The following CDCA4 variants were observed in gnomAD, a reference collection of about 807,000 sequenced individuals.
CDCA4 encodes the protein cell division cycle associated 4.
For synonymous variants in CDCA4, 130 were observed against 137.0 expected (o/e 0.95, Z 0.36); for missense variants, 294 against 322.1 (o/e 0.91, Z 0.67).
At chr14:105,019,906 G>GTTTTGTAT (rs1342126842) in intron 1 of CDCA4, among the ~76,000 whole-genome samples, 1 of 152,144 alleles carries the variant, frequency 6.6e-6, no homozygotes. Context: ...TACAGACGGG[G>GTTTTGTAT]TTTCACCACG....
At chr14:105,020,646 G>A (rs528443380) in intron 1 of CDCA4, among the ~76,000 whole-genome samples, 460 of 152,326 alleles carry the variant, frequency 3.0e-3, no homozygotes, top group Non-Finnish European at 5.2e-3. Context: ...CCGAGGTACG[G>A]GAAACGCCGC....
At position 105,017,598 on chromosome 14, in the gene CDCA4, G is replaced by A. The variant is rs1392028718; in HGVS notation, c.-7+3401C>T. The stretch of plus-strand genomic sequence containing the variant: ...TGTAATCCCAGCACTTTGGGAGGCT[G>A]AGGCAGGCGGATCACCAGGTCAGGA... On this transcript the variant is annotated intron_variant, in intron 1 of 1. Coordinates refer to ENST00000336219, the MANE Select transcript of CDCA4 (RefSeq NM_017955.4). Among the ~76,000 whole-genome samples, 3 of 152,090 alleles carry A rather than the reference G, an allele frequency of 2.0e-5. No individual in the cohort carries two copies. In the East Asian group the frequency reaches 5.9e-4, roughly 30 times the overall value.
intron 1 of CDCA4, among the ~76,000 whole-genome samples, chr14:105,014,879 T>A (rs1900602161): frequency 6.6e-6 from 1 of 152,098 alleles, no homozygotes. Flanking sequence ...CCAAACCAAA[T>A]CCTCTTGAAC....
At chr14:105,018,871 G>A (rs1448911267) in intron 1 of CDCA4, among the ~76,000 whole-genome samples, 3 of 152,028 alleles carry the variant, frequency 2.0e-5, no homozygotes, top group Non-Finnish European at 4.4e-5. Context: ...CGAGTAGCTA[G>A]GACTACAGGC....
chr14:105,014,984 C>A (rs991125547), intron 1 of CDCA4, among the ~76,000 whole-genome samples: 1 of 152,202 alleles, frequency 6.6e-6, no homozygotes, highest in African/African-American at 2.4e-5. Context: ...AATGTGGGGC[C>A]TACAGGAGGT....
intron 1 of CDCA4, among the ~76,000 whole-genome samples, chr14:105,017,093 A>G (rs1900669897): frequency 6.6e-6 from 1 of 152,354 alleles, no homozygotes; most frequent in Middle Eastern, 3.4e-3. Flanking sequence ...AAAGAAATTC[A>G]GAGAACAGGG....
At chr14:105,016,159 G>C (rs1005466593) in intron 1 of CDCA4, among the ~76,000 whole-genome samples, 1 of 152,174 alleles carries the variant, frequency 6.6e-6, no homozygotes, top group Non-Finnish European at 1.5e-5. Context: ...TTCTCACCTG[G>C]TTGCTTATTT....
chr14:105,020,713 C>T (rs1886209680), intron 1 of CDCA4, among the ~76,000 whole-genome samples: 2 of 151,880 alleles, frequency 1.3e-5, no homozygotes, highest in South Asian at 4.1e-4. Context: ...GCCCGCAGGC[C>T]TCGGCAAAGC....
rs900495461 is a variant in CDCA4, at chr14:105,010,896, T to C, written c.*308A>G. On this transcript the variant is annotated 3_prime_UTR_variant, in exon 2 of 2. Transcript: ENST00000336219. ...TCACCTATCTAAAGGTAAAAGGAGG[T>C]TGATGCAGCTGCGGCTCACCGTCCT... The C allele has an allele frequency of 7.8e-6, 3 of 384,136 alleles. No homozygotes were observed. Among genetic ancestry groups the C allele is most frequent in the African/African-American group, 2.1e-5 (1 of 48,376 alleles). 23.8% of individuals were successfully genotyped at this position (384,136 alleles called of 1,614,324 possible). A position where few individuals can be genotyped will look rare whatever the true frequency, so the allele number is the denominator to read the frequency against.
chr14:105,014,944 A>G (rs1900604878), intron 1 of CDCA4, among the ~76,000 whole-genome samples: 1 of 152,110 alleles, frequency 6.6e-6, no homozygotes, highest in South Asian at 2.1e-4. Context: ...GCCTCCCCTG[A>G]CTCTGGAAAC....
At chr14:105,012,831 C>G (rs562260626) in intron 1 of CDCA4, among the ~76,000 whole-genome samples, 1 of 152,308 alleles carries the variant, frequency 6.6e-6, no homozygotes, top group African/African-American at 2.4e-5. Context: ...GCCCTCCACT[C>G]GAGAGCTCTG....
At position 105,021,029 on chromosome 14, in the gene CDCA4, T is replaced by A. The variant is rs1478196795; in HGVS notation, c.-37A>T. 1 of 152,824 alleles carries A rather than the reference T, an allele frequency of 6.5e-6. No individual in the cohort carries two copies. The highest frequency in any genetic ancestry group is 1.5e-5 in the Non-Finnish European group (1 of 68,218). 9.5% of individuals were successfully genotyped at this position (152,824 alleles called of 1,614,324 possible). A position where few individuals can be genotyped will look rare whatever the true frequency, so the allele number is the denominator to read the frequency against. ...CCGCGAGGCCGCCCGCCGGGTCCTC[T>A]GCTCAGCCACCGCCACCGCCGCTGC... is the stretch of plus-strand genomic sequence containing the variant. On this transcript the variant is annotated 5_prime_UTR_variant, in exon 1 of 2. Transcript: ENST00000336219.
intron 1 of CDCA4, among the ~76,000 whole-genome samples, chr14:105,012,162 T>C (rs1239290556): frequency 2.0e-5 from 3 of 152,232 alleles, no homozygotes; most frequent in Non-Finnish European, 2.9e-5. Flanking sequence ...CACAGTCACG[T>C]TGTTAGAAAC....
Position 105,011,112 on chromosome 14 carries a change from G to T in CDCA4, c.*92C>A. On this transcript the variant is annotated 3_prime_UTR_variant, in exon 2 of 2. Transcript: ENST00000336219. ...CAGAATCAGCAGACAGGGCAGCAAG[G>T]CTGGGCCGCTGGCGGCAGGCGCACC... is the stretch of plus-strand genomic sequence containing the variant. 1 of 1,422,190 alleles carries T rather than the reference G, an allele frequency of 7.0e-7. No individual in the cohort carries two copies. 88.1% of individuals were successfully genotyped at this position (1,422,190 alleles called of 1,614,324 possible).
chr14:105,019,447 C>A (rs573186399), intron 1 of CDCA4, among the ~76,000 whole-genome samples: 1 of 152,384 alleles, frequency 6.6e-6, no homozygotes, highest in East Asian at 1.9e-4. Context: ...AGGGCTGGGA[C>A]GGTTGGGGAC....
Position 105,011,015 on chromosome 14 carries a change from C to T in CDCA4, c.*189G>A, listed in dbSNP as rs372956387. 4 of 685,808 alleles carry T rather than the reference C, an allele frequency of 5.8e-6. No individual in the cohort carries two copies. The highest frequency in any genetic ancestry group is 5.5e-5 in the East Asian group (2 of 36,160). 42.5% of individuals were successfully genotyped at this position (685,808 alleles called of 1,614,324 possible). ...TCCAGAACAGCCTCTGCCTGGCGCTCCACAGGGGGGAGGTGAGTGGGACGG... is the reference window on the plus strand; with the variant it reads ...TCCAGAACAGCCTCTGCCTGGCGCTTCACAGGGGGGAGGTGAGTGGGACGG... On this transcript the variant is annotated 3_prime_UTR_variant, in exon 2 of 2. Transcript: ENST00000336219.
chr14:105,011,304 C>T lies in CDCA4; in HGVS notation c.626G>A (p.Gly209Glu). 7 of 1,614,094 alleles carry T rather than the reference C, an allele frequency of 4.3e-6. No individual in the cohort carries two copies. The highest frequency in any genetic ancestry group is 5.9e-6 in the Non-Finnish European group (7 of 1,180,002). The stretch of plus-strand genomic sequence containing the variant: ...GGTGGCCGGAGCCAAGCCCTCGAGC[C>T]CTTCGCAGGGGCCCGGCCTGGCACC... ...MGGARPGPCE[G>E]LEGLAPATPG... Residue 209 changes from glycine (G) to glutamate (E), a missense_variant, in exon 2 of 2, where the codon GGG (glycine) becomes GAG (glutamate). Physicochemically the swap from Gly to Glu is moderately conservative, Grantham distance 98 (BLOSUM62 -2). Coordinates refer to ENST00000336219, the MANE Select transcript of CDCA4 (RefSeq NM_017955.4).
intron 1 of CDCA4, among the ~76,000 whole-genome samples, chr14:105,017,762 C>T (rs889604873): frequency 2.6e-5 from 4 of 151,768 alleles, no homozygotes; most frequent in African/African-American, 4.8e-5. Flanking sequence ...ACCTGGAAGG[C>T]GGAGGTTGCA....
chr14:105,013,939 C>T (rs1900575369), intron 1 of CDCA4, among the ~76,000 whole-genome samples: 1 of 152,220 alleles, frequency 6.6e-6, no homozygotes, highest in South Asian at 2.1e-4. Flanking sequence ...TACCCTTCAC[C>T]TGGGCACGGT....
Sources: allele counts gnomAD v4.1 joint callset (sites outside exome capture counted in the v4.1 genomes callset), GRCh38; gene constraint gnomAD v4.1.1; transcripts MANE v1.5; gene names NCBI Gene and HGNC (gene_info 2026-07-23, HGNC 2026-07-21).